The following ANK3 variants were observed in gnomAD, a reference collection of about 807,000 sequenced individuals.
The protein encoded by ANK3 is ankyrin 3.
A neutral mutation model predicts 370.9 loss-of-function variants in ANK3; 57 were observed. That is an observed-to-expected ratio of 0.15 (90% confidence interval 0.12 to 0.19). The LOEUF (loss-of-function observed/expected upper bound fraction) is 0.19, where lower values mean the gene tolerates loss of function less well. ANK3 is among the 10% of genes least tolerant of loss of function. ANK3 has a pLI of 1.00. For missense variants in ANK3, 4,439 were observed against 5,302.1 expected (o/e 0.84, Z 5.06); for synonymous variants, 1,929 against 1,946.3 (o/e 0.99, Z 0.23).
chr10:60,362,497 A>G (rs1451187769), intron 1 of ANK3, among the ~76,000 whole-genome samples: 1 of 152,208 alleles, frequency 6.6e-6, no homozygotes, highest in East Asian at 1.9e-4. Flanking sequence ...GGAAGGCAGA[A>G]AGCTTACTGT....
intron 1 of ANK3, among the ~76,000 whole-genome samples, chr10:60,693,598 C>T (rs1211504769): frequency 6.6e-6 from 1 of 152,194 alleles, no homozygotes; most frequent in African/African-American, 2.4e-5. Flanking sequence ...GACCCCTGAC[C>T]CCCAAGCAGC....
chr10:60,365,494 C>A (rs760015030), intron 1 of ANK3, among the ~76,000 whole-genome samples: 3 of 152,126 alleles, frequency 2.0e-5, no homozygotes, highest in Non-Finnish European at 2.9e-5. Context: ...ACATTATAAG[C>A]ATTTAACAGT....
chr10:60,692,535 G>C (rs894384), intron 1 of ANK3, among the ~76,000 whole-genome samples: 102,378 of 152,042 alleles, frequency 0.67, 34,606 homozygotes, highest in South Asian at 0.83. Flanking sequence ...TTCTCCTCTT[G>C]TCATAATTCC....
intron 2 of ANK3, among the ~76,000 whole-genome samples, chr10:60,414,415 A>G (rs1175919334): frequency 2.0e-5 from 3 of 152,202 alleles, no homozygotes; most frequent in Non-Finnish European, 4.4e-5. Flanking sequence ...ACTTTATAAC[A>G]ATGAAGATCG....
intron 1 of ANK3, among the ~76,000 whole-genome samples, chr10:60,297,109 A>C (rs1424961757): frequency 6.6e-6 from 1 of 152,234 alleles, no homozygotes; most frequent in East Asian, 1.9e-4. Flanking sequence ...AATATATCAA[A>C]ATGATGTTGA....
Position 60,300,156 on chromosome 10 carries a change from A to T in ANK3, c.115-20517T>A, listed in dbSNP as rs560447574. On this transcript the variant is annotated intron_variant, in intron 1 of 43. Coordinates refer to ENST00000280772, the MANE Select transcript of ANK3 (RefSeq NM_020987.5). ...CGGATCGGAACAAAACAGAAAGGAC[A>T]GTCCATTGTCCTACACATATTTAAC... is the stretch of plus-strand genomic sequence containing the variant. 8.5e-5 allele frequency among the ~76,000 whole-genome samples: 13 copies of T among 152,324 alleles called. No individual in the cohort carries two copies. The East Asian group carries it at 2.3e-3, about 27-fold the overall frequency.
rs72822260 is a variant in ANK3, at chr10:60,308,810, T to C, written c.115-29171A>G. 5.5e-3 allele frequency among the ~76,000 whole-genome samples: 832 copies of C among 152,266 alleles called. 5 individuals are homozygous for C. The highest frequency in any genetic ancestry group is 0.013 in the South Asian group (63 of 4,822). On this transcript the variant is annotated intron_variant, in intron 1 of 43. Transcript: ENST00000280772. ...AATATGACTGATTCTAAGGTGGGAATGACCACTTTACTGAGCCCCCAGGAG... is the reference window on the plus strand; with the variant it reads ...AATATGACTGATTCTAAGGTGGGAACGACCACTTTACTGAGCCCCCAGGAG...
intron 40 of ANK3, among the ~76,000 whole-genome samples, chr10:60,061,707 C>T (rs1282173848): frequency 1.3e-5 from 2 of 151,418 alleles, no homozygotes; most frequent in Non-Finnish European, 2.9e-5. Context: ...ACATGTATAA[C>T]AAGTATGCTT....
chr10:60,442,097 T>C (rs2064314056), intron 2 of ANK3, among the ~76,000 whole-genome samples: 1 of 72,538 alleles, frequency 1.4e-5, no homozygotes, highest in East Asian at 3.1e-4. Context: ...TCCCATATAC[T>C]TTTTTTTTTT....
At chr10:60,716,564 A>C (rs1312619974) in intron 1 of ANK3, among the ~76,000 whole-genome samples, 1 of 152,124 alleles carries the variant, frequency 6.6e-6, no homozygotes, top group Non-Finnish European at 1.5e-5. Context: ...CCGAGGCTGG[A>C]GTGTAGTGGC....
intron 2 of ANK3, among the ~76,000 whole-genome samples, chr10:60,518,394 G>A (rs981203014): frequency 6.6e-6 from 1 of 152,090 alleles, no homozygotes; most frequent in African/African-American, 2.4e-5. Context: ...GTTACTACAG[G>A]AAGCTGGATT....
At chr10:60,205,763 G>A (rs1199490465) in intron 11 of ANK3, 29 bp downstream of exon 11, 1 of 1,521,268 alleles carries the variant, frequency 6.6e-7, no homozygotes, top group African/African-American at 1.4e-5. Flanking sequence ...CAGTATCTCA[G>A]GACTCCCAGA....
Position 60,073,334 on chromosome 10 carries a change from G to A in ANK3, c.7547C>T (p.Ser2516Phe), listed in dbSNP as rs1425421681. Residue 2516 changes from serine (S) to phenylalanine (F), a missense_variant, in exon 37 of 44, where the codon TCC becomes TTC. Physicochemically the swap from Ser to Phe is radical, Grantham distance 155 (BLOSUM62 -2). Around this residue, in one of 13 missense-constraint regions of ANK3, gnomAD observed 1,601 missense variants for 1,731.7 expected, o/e 0.92. Coordinates refer to ENST00000280772, the MANE Select transcript of ANK3 (RefSeq NM_020987.5). ...TTCAGAAACATCTTTATAGATTTTG[G>A]AGAGAATTTCTTTTTTGGGGGCAGT... ...IATAPKKEIL[S>F]KIYKDVSENG... 6.2e-7 allele frequency: 1 copy of A among 1,613,938 alleles called. No homozygotes were observed. Among genetic ancestry groups the A allele is most frequent in the Non-Finnish European group, 8.5e-7 (1 of 1,180,012 alleles).
At chr10:60,415,835 CA>C (rs1214248773) in intron 2 of ANK3, among the ~76,000 whole-genome samples, 1 of 149,326 alleles carries the variant, frequency 6.7e-6, no homozygotes, top group East Asian at 2.0e-4. Context: ...CCTGTTCATT[CA>C]GATACTAGTA....
chr10:60,355,897 C>A (rs2057659522), intron 1 of ANK3, among the ~76,000 whole-genome samples: 1 of 152,134 alleles, frequency 6.6e-6, no homozygotes. Flanking sequence ...CTCAAGATTC[C>A]TTTCTTGCCC....
Position 60,263,828 on chromosome 10 carries a change from G to A in ANK3, c.699+7C>T. On this transcript the variant is annotated splice_region_variant and intron_variant, in intron 6 of 43. Coordinates refer to ENST00000280772, the MANE Select transcript of ANK3 (RefSeq NM_020987.5). ...TGCATGACAGGCCCGTGTCCCTCGT[G>A]CCTCACCTTTGATTCCACATCTGCA... 1 of 1,613,520 alleles carries A rather than the reference G, an allele frequency of 6.2e-7. No individual in the cohort carries two copies. The highest frequency in any genetic ancestry group is 8.5e-7 in the Non-Finnish European group (1 of 1,179,956).
intron 2 of ANK3, among the ~76,000 whole-genome samples, chr10:60,443,634 T>G (rs1483051395): frequency 6.6e-6 from 1 of 152,152 alleles, no homozygotes; most frequent in Non-Finnish European, 1.5e-5. Flanking sequence ...TAGGGAATAT[T>G]GTACTAAAAA....
At chr10:60,327,869 G>C (rs1003530921) in intron 1 of ANK3, among the ~76,000 whole-genome samples, 2 of 152,054 alleles carry the variant, frequency 1.3e-5, no homozygotes, top group African/African-American at 4.8e-5. Flanking sequence ...CACTCTTCAG[G>C]CAACTGGAGT....
At chr10:60,669,288 T>C (rs2079037259) in intron 1 of ANK3, among the ~76,000 whole-genome samples, 1 of 152,240 alleles carries the variant, frequency 6.6e-6, no homozygotes. Context: ...AAACTTTTCT[T>C]TTGTTCCAAA....
Sources: gnomAD v4.1 joint callset for allele counts (sites outside exome capture counted in the v4.1 genomes callset) on GRCh38, gnomAD v4.1.1 for gene constraint, gnomAD v4.1.1 regional missense constraint, MANE v1.5 for transcripts, NCBI Gene and HGNC (gene_info 2026-07-23, HGNC 2026-07-21) for gene names.